KCNAB1: variants seen among roughly 807,000 people sequenced by gnomAD.
KCNAB1 encodes potassium voltage-gated channel subfamily A regulatory beta subunit 1.
A neutral mutation model predicts 64.6 loss-of-function variants in KCNAB1; 35 were observed. That is an observed-to-expected ratio of 0.54 (90% confidence interval 0.41 to 0.72). The LOEUF (loss-of-function observed/expected upper bound fraction) is 0.72, where lower values mean the gene tolerates loss of function less well. KCNAB1 is among the 30% of genes least tolerant of loss of function. The probability of loss-of-function intolerance (pLI) is 0.00; values close to 1 mark genes in which losing one functional copy is unlikely to be tolerated. For synonymous variants in KCNAB1, 177 were observed against 183.8 expected (o/e 0.96, Z 0.30); for missense variants, 401 against 512.9 (o/e 0.78, Z 2.11).
intron 1 of KCNAB1, among the ~76,000 whole-genome samples, chr3:156,269,773 T>C (rs967317009): frequency 6.6e-6 from 1 of 152,200 alleles, no homozygotes; most frequent in Non-Finnish European, 1.5e-5. Context: ...TTATTTTGTC[T>C]GATACAGGTG....
intron 12 of KCNAB1, among the ~76,000 whole-genome samples, chr3:156,531,037 G>A (rs1576983922): frequency 6.6e-6 from 1 of 152,202 alleles, no homozygotes; most frequent in East Asian, 1.9e-4. Context: ...AATGCATTGA[G>A]TGTTAATTAA....
chr3:156,134,287 T>C (rs6793964), intron 1 of KCNAB1, among the ~76,000 whole-genome samples: 86,892 of 151,998 alleles, frequency 0.57, 25,416 homozygotes, highest in Admixed American at 0.71. Context: ...GAAATTTTTC[T>C]TCCTCTATTA....
At chr3:156,514,580 T>G in intron 9 of KCNAB1, 131 bp downstream of exon 9, 1 of 665,544 alleles carries the variant, frequency 1.5e-6, no homozygotes, top group Non-Finnish European at 2.7e-6. Flanking sequence ...TAGAATCAAT[T>G]CCATCATTAC....
At chr3:156,136,642 T>G (rs1201984620) in intron 1 of KCNAB1, among the ~76,000 whole-genome samples, 1 of 152,232 alleles carries the variant, frequency 6.6e-6, no homozygotes, top group Non-Finnish European at 1.5e-5. Flanking sequence ...TCCCATCCTT[T>G]CGACGCCGCT....
intron 1 of KCNAB1, among the ~76,000 whole-genome samples, chr3:156,276,980 C>G (rs528168074): frequency 1.3e-5 from 2 of 152,250 alleles, no homozygotes; most frequent in South Asian, 4.1e-4. Flanking sequence ...CCTGTCTAGG[C>G]TTTTGACATG....
Position 156,284,576 on chromosome 3 carries a change from C to A in KCNAB1, c.276-137040C>A, listed in dbSNP as rs530426726. On this transcript the variant is annotated intron_variant, in intron 1 of 13. Transcript: ENST00000490337. ...CTCCCCTCCCCCAGCCTCGCTGCTG[C>A]CTTGCAGTTTGATCTCAGACTGCTG... Among the ~76,000 whole-genome samples the A allele has an allele frequency of 1.1e-4, 16 of 152,322 alleles. No homozygotes were observed. In the East Asian group the frequency reaches 2.9e-3, roughly 28 times the overall value.
intron 8 of KCNAB1, among the ~76,000 whole-genome samples, chr3:156,496,297 C>T (rs1002879195): frequency 2.6e-5 from 4 of 152,174 alleles, no homozygotes; most frequent in Admixed American, 6.5e-5. Flanking sequence ...ATAATCCCCA[C>T]GTGTCTTGGG....
At chr3:156,471,202 C>A (rs929676596) in intron 7 of KCNAB1, among the ~76,000 whole-genome samples, 3 of 152,178 alleles carry the variant, frequency 2.0e-5, no homozygotes, top group African/African-American at 2.4e-5. Context: ...ACAGTGAACA[C>A]CCCATCCACC....
chr3:156,165,981 C>G (rs984172169), intron 1 of KCNAB1, among the ~76,000 whole-genome samples: 1 of 152,090 alleles, frequency 6.6e-6, no homozygotes, highest in Admixed American at 6.5e-5. Flanking sequence ...CAAAAGAAAG[C>G]CTTTTGCGAT....
chr3:156,198,702 A>G (rs1714121610), intron 1 of KCNAB1, among the ~76,000 whole-genome samples: 1 of 142,746 alleles, frequency 7.0e-6, no homozygotes, highest in Non-Finnish European at 1.5e-5. Flanking sequence ...GTCTTTGCAC[A>G]TGAGATGGGT....
chr3:156,354,815 A>C (rs112419282), intron 1 of KCNAB1, among the ~76,000 whole-genome samples: 143 of 152,258 alleles, frequency 9.4e-4, no homozygotes, highest in African/African-American at 3.4e-3. Flanking sequence ...GTTCCAGAAA[A>C]ACTAAGGCGT....
At chr3:156,223,979 G>A (rs1214586474) in intron 1 of KCNAB1, among the ~76,000 whole-genome samples, 1 of 152,252 alleles carries the variant, frequency 6.6e-6, no homozygotes, top group Non-Finnish European at 1.5e-5. Flanking sequence ...TCATCAGGGA[G>A]GCTCAGGCCG....
rs578219490 is a variant in KCNAB1, at chr3:156,382,601, C to T, written c.276-39015C>T. 6.6e-4 allele frequency among the ~76,000 whole-genome samples: 101 copies of T among 152,252 alleles called. 1 individual carries two copies. In the Middle Eastern group the frequency reaches 0.017, roughly 26 times the overall value. ...GTGCCATTTACCGACTATTTTTTGT[C>T]CCACTAGCTTCTGGGAACCAAGTAG... On this transcript the variant is annotated intron_variant, in intron 1 of 13. Transcript: ENST00000490337.
intron 1 of KCNAB1, among the ~76,000 whole-genome samples, chr3:156,329,791 A>C (rs1386872432): frequency 6.6e-6 from 1 of 152,184 alleles, no homozygotes; most frequent in East Asian, 1.9e-4. Flanking sequence ...ACTCTTAGCA[A>C]ATGTGGGTGT....
At chr3:156,185,636 G>A (rs1386429442) in intron 1 of KCNAB1, among the ~76,000 whole-genome samples, 1 of 152,188 alleles carries the variant, frequency 6.6e-6, no homozygotes, top group East Asian at 1.9e-4. Context: ...TTGGGCTAGG[G>A]CAGTTAATTG....
chr3:156,530,199 G>A lies in KCNAB1; in HGVS notation c.1082-1210G>A, dbSNP rs13083030. ...GTAAGAAATTTTGAAATGGGGTGAT[G>A]GGGGCGGTGGGATCATGTATGAATC... On this transcript the variant is annotated intron_variant, in intron 12 of 13. Coordinates refer to ENST00000490337, the MANE Select transcript of KCNAB1 (RefSeq NM_172160.3). Among the ~76,000 whole-genome samples the A allele has an allele frequency of 1.1e-3, 162 of 152,294 alleles. 1 individual carries two copies. The highest frequency in any genetic ancestry group is 3.4e-3 in the Middle Eastern group (1 of 294).
At chr3:156,228,911 T>C (rs961018165) in intron 1 of KCNAB1, among the ~76,000 whole-genome samples, 1 of 152,218 alleles carries the variant, frequency 6.6e-6, no homozygotes, top group African/African-American at 2.4e-5. Flanking sequence ...CTGAGTTCCA[T>C]GGCATACCTG....
chr3:156,361,987 ATAT>A (rs1725644730), intron 1 of KCNAB1, among the ~76,000 whole-genome samples: 1 of 152,216 alleles, frequency 6.6e-6, no homozygotes, highest in African/African-American at 2.4e-5. Flanking sequence ...TATTCAACAA[ATAT>A]TATTAACCCC....
chr3:156,324,010 A>G (rs1395753264), intron 1 of KCNAB1, among the ~76,000 whole-genome samples: 1 of 152,194 alleles, frequency 6.6e-6, no homozygotes, highest in Non-Finnish European at 1.5e-5. Flanking sequence ...ACCAAGGAAC[A>G]TCACATAGAA....
Sources: gnomAD v4.1 joint callset for allele counts (sites outside exome capture counted in the v4.1 genomes callset) on GRCh38, gnomAD v4.1.1 for gene constraint, MANE v1.5 for transcripts, NCBI Gene and HGNC (gene_info 2026-07-23, HGNC 2026-07-21) for gene names.